STAU2: variants seen among roughly 807,000 people sequenced by gnomAD.
STAU2 encodes the protein double-stranded RNA-binding protein Staufen homolog 2.
A neutral mutation model predicts 65.9 loss-of-function variants in STAU2; 20 were observed. The ratio of observed to expected loss-of-function variants is 0.30; its 90% confidence interval spans 0.21 to 0.44. The LOEUF (loss-of-function observed/expected upper bound fraction) is 0.44, where lower values mean the gene tolerates loss of function less well. STAU2 is among the 20% of genes least tolerant of loss of function. STAU2 has a pLI of 1.00. For synonymous variants in STAU2, 232 were observed against 233.9 expected (o/e 0.99, Z 0.07); for missense variants, 558 against 683.9 (o/e 0.82, Z 2.05).
intron 1 of STAU2, 104 bp from the exon 2 acceptor site, chr8:73,739,972 C>A (rs1806723516): frequency 3.2e-6 from 2 of 631,538 alleles, no homozygotes; most frequent in African/African-American, 1.8e-5. Flanking sequence ...CAGAGGGAGG[C>A]AGATGCCAAA....
At chr8:73,741,772 C>T (rs1806901661) in intron 1 of STAU2, among the ~76,000 whole-genome samples, 1 of 152,202 alleles carries the variant, frequency 6.6e-6, no homozygotes, top group Non-Finnish European at 1.5e-5. Context: ...CTCGGCCTCC[C>T]AAAGTGCCAA....
rs1027841414 is a variant in STAU2 at position 73,458,439 on chromosome 8, G to A, written c.1531-35737C>T. Among the ~76,000 whole-genome samples the A allele has an allele frequency of 2.6e-5, 4 of 152,118 alleles. No individual in the cohort carries two copies. The East Asian group carries it at 7.7e-4, about 29-fold the overall frequency. Reference sequence around the variant, plus strand: ...CTGTCTAGTAAGTTTACAGAAACAAGAAAGAAAGAGAAAAAAGCCTGCAGT... The same window carrying A: ...CTGTCTAGTAAGTTTACAGAAACAAAAAAGAAAGAGAAAAAAGCCTGCAGT... On this transcript the variant is annotated intron_variant, in intron 13 of 14. Transcript: ENST00000524300.
At chr8:73,426,926 AT>A (rs34400355) in intron 13 of STAU2, among the ~76,000 whole-genome samples, 2,829 of 129,896 alleles carry the variant, frequency 0.022, 36 homozygotes, top group African/African-American at 0.048. Context: ...ATTTTTAAAG[AT>A]TTTTTTTTTT....
rs182330472 is a variant in STAU2 at position 73,497,527 on chromosome 8, G to A, written c.1530+54485C>T. ...CAGGTGATATAAAAGCTGATACTCA[G>A]GTTCTAACTGAGAAAAATGTATAAA... On this transcript the variant is annotated intron_variant, in intron 13 of 14. Coordinates refer to ENST00000524300, the MANE Select transcript of STAU2 (RefSeq NM_001164380.2). Among the ~76,000 whole-genome samples the A allele has an allele frequency of 8.6e-4, 130 of 151,760 alleles. 3 individuals are homozygous for A. Among genetic ancestry groups the A allele is most frequent in the African/African-American group, 2.8e-3 (118 of 41,478 alleles).
chr8:73,552,646 G>A (rs1218325516), intron 12 of STAU2, among the ~76,000 whole-genome samples: 1 of 152,130 alleles, frequency 6.6e-6, no homozygotes, highest in Non-Finnish European at 1.5e-5. Flanking sequence ...AATGTGCAGT[G>A]TCTTCACCCT....
chr8:73,742,609 T>G (rs995771123), intron 1 of STAU2, among the ~76,000 whole-genome samples: 15 of 151,822 alleles, frequency 9.9e-5, no homozygotes, highest in Non-Finnish European at 1.8e-4. Context: ...CAATTACAAC[T>G]AAGCGCTTTT....
intron 13 of STAU2, among the ~76,000 whole-genome samples, chr8:73,519,098 G>A (rs531871022): frequency 1.2e-4 from 19 of 152,142 alleles, no homozygotes; most frequent in South Asian, 4.2e-4. Flanking sequence ...AGTTGCCAGC[G>A]GCAGTGATTA....
intron 5 of STAU2, among the ~76,000 whole-genome samples, chr8:73,684,467 G>A (rs1818652772): frequency 6.6e-6 from 1 of 152,136 alleles, no homozygotes; most frequent in Non-Finnish European, 1.5e-5. Flanking sequence ...ACTCAAGATG[G>A]ATCAAAGACT....
At chr8:73,432,095 C>T (rs1817342287) in intron 13 of STAU2, among the ~76,000 whole-genome samples, 1 of 152,166 alleles carries the variant, frequency 6.6e-6, no homozygotes, top group Admixed American at 6.5e-5. Context: ...CAGAAATAGA[C>T]AAGTAGTTCC....
At chr8:73,449,898 C>CCCTGGG (rs2128894627) in intron 13 of STAU2, among the ~76,000 whole-genome samples, 4 of 152,326 alleles carry the variant, frequency 2.6e-5, no homozygotes, top group African/African-American at 9.6e-5. Context: ...ACTATCTGGA[C>CCCTGGG]CCAGCCCGTT....
chr8:73,697,300 A>G (rs1227443455), intron 4 of STAU2: 1 of 152,238 alleles, frequency 6.6e-6, no homozygotes, highest in African/African-American at 2.4e-5. Context: ...AAGGAAAAAA[A>G]CTTTCACCTA....
At chr8:73,463,378 C>A (rs1819479191) in intron 13 of STAU2, among the ~76,000 whole-genome samples, 1 of 152,236 alleles carries the variant, frequency 6.6e-6, no homozygotes, top group Non-Finnish European at 1.5e-5. Context: ...CCCATATCTA[C>A]TTCATTTCCT....
At position 73,738,330 on chromosome 8, in the gene STAU2, A is replaced by C. The variant is rs1806587886; in HGVS notation, c.-64T>G. On this transcript the variant is annotated 5_prime_UTR_variant, in exon 3 of 15. Transcript: ENST00000524300. Reference sequence around the variant, plus strand: ...AAGACAATATTGACCAAACTGCTGTATCCCTCACGGCTCCAAAAACTGGAA... The same window carrying C: ...AAGACAATATTGACCAAACTGCTGTCTCCCTCACGGCTCCAAAAACTGGAA... The C allele has an allele frequency of 6.3e-7, 1 of 1,596,192 alleles. No individual in the cohort carries two copies. Among genetic ancestry groups the C allele is most frequent in the African/African-American group, 1.4e-5 (1 of 73,884 alleles).
intron 13 of STAU2, among the ~76,000 whole-genome samples, chr8:73,449,108 A>T (rs1222396376): frequency 1.3e-5 from 2 of 152,228 alleles, no homozygotes; most frequent in African/African-American, 4.8e-5. Flanking sequence ...GCCTTCGAGC[A>T]GGGACCGCGC....
chr8:73,745,188 A>G (rs1364468723), intron 1 of STAU2, among the ~76,000 whole-genome samples: 2 of 152,244 alleles, frequency 1.3e-5, no homozygotes, highest in African/African-American at 2.4e-5. Flanking sequence ...CTGCTTCGCA[A>G]ATTTAATACA....
At chr8:73,441,753 T>C (rs1818155799) in intron 13 of STAU2, among the ~76,000 whole-genome samples, 1 of 152,202 alleles carries the variant, frequency 6.6e-6, no homozygotes, top group Non-Finnish European at 1.5e-5. Flanking sequence ...GAACTAACGA[T>C]TGATGTTTAA....
chr8:73,738,759 C>T (rs1195915644), intron 2 of STAU2, among the ~76,000 whole-genome samples: 1 of 151,740 alleles, frequency 6.6e-6, no homozygotes, highest in East Asian at 1.9e-4. Context: ...TGTATACTTC[C>T]CTTTTTGCAG....
At chr8:73,728,970 G>A (rs922557432) in intron 3 of STAU2, among the ~76,000 whole-genome samples, 1 of 152,160 alleles carries the variant, frequency 6.6e-6, no homozygotes, top group Non-Finnish European at 1.5e-5. Flanking sequence ...AATAACTGGT[G>A]AGAATGGGTA....
At chr8:73,523,029 C>T (rs1252797691) in intron 13 of STAU2, among the ~76,000 whole-genome samples, 1 of 151,804 alleles carries the variant, frequency 6.6e-6, no homozygotes, top group Non-Finnish European at 1.5e-5. Context: ...AACCCCGTCT[C>T]TACTAAAAAT....
Sources: gnomAD v4.1 joint callset for allele counts (sites outside exome capture counted in the v4.1 genomes callset) on GRCh38, gnomAD v4.1.1 for gene constraint, MANE v1.5 for transcripts, NCBI Gene and HGNC (gene_info 2026-07-23, HGNC 2026-07-21) for gene names.